RFTN2: variants seen among roughly 807,000 people sequenced by gnomAD.
RFTN2 encodes raftlin family member 2.
RFTN2 carries 34 observed loss-of-function variants against 52.7 expected under a neutral mutation model. The ratio of observed to expected loss-of-function variants is 0.64; its 90% CI spans 0.49 to 0.86. RFTN2 has a LOEUF of 0.86. Ranked by LOEUF, RFTN2 falls within the 40% of genes least tolerant of loss-of-function variation. The probability of loss-of-function intolerance (pLI) is 0.00; values close to 1 mark genes in which losing one functional copy is unlikely to be tolerated. For synonymous variants in RFTN2, 203 were observed against 217.7 expected (o/e 0.93, Z 0.59); for missense variants, 536 against 600.1 (o/e 0.89, Z 1.12).
At chr2:197,639,471 T>C (rs1385065964) in intron 3 of RFTN2, among the ~76,000 whole-genome samples, 4 of 149,118 alleles carry the variant, frequency 2.7e-5, no homozygotes. Context: ...ACTTCCCTTC[T>C]CACTTCATTT....
At chr2:197,659,478 A>T (rs1310353715) in intron 1 of RFTN2, among the ~76,000 whole-genome samples, 191 of 13,390 alleles carry the variant, frequency 0.014, no homozygotes, top group African/African-American at 0.086. Flanking sequence ...TCCATCTCAT[A>T]AAAAAAAAAA....
rs1166260465 is a variant in RFTN2, at chr2:197,636,372, C to A, written c.439-2375G>T. On this transcript the variant is annotated intron_variant, in intron 3 of 8. Transcript: ENST00000295049. ...GATATTGATTCTTCCTACCCATGAG[C>A]ATGGAATGTTCTTCCATTTGTTTGT... is the stretch of plus-strand genomic sequence containing the variant. 9.2e-4 allele frequency among the ~76,000 whole-genome samples: 126 copies of A among 137,346 alleles called. 2 individuals are homozygous for A. The highest frequency in any genetic ancestry group is 1.6e-3 in the Non-Finnish European group (102 of 63,866). The allele number at this position is 137,346 out of a possible 152,430, so 90.1% of individuals were successfully genotyped here. A position where few individuals can be genotyped will look rare whatever the true frequency, so the allele number is the denominator to read the frequency against.
At chr2:197,624,292 A>G (rs2088316224) in intron 5 of RFTN2, among the ~76,000 whole-genome samples, 1 of 152,138 alleles carries the variant, frequency 6.6e-6, no homozygotes, top group Admixed American at 6.5e-5. Flanking sequence ...CATATGCTAG[A>G]GAGAAATTTT....
intron 7 of RFTN2, among the ~76,000 whole-genome samples, chr2:197,605,002 C>A (rs2087936763): frequency 6.6e-6 from 1 of 152,042 alleles, no homozygotes; most frequent in Admixed American, 6.6e-5. Flanking sequence ...CTCAGGTGAC[C>A]CATCTGGGCC....
intron 8 of RFTN2, among the ~76,000 whole-genome samples, chr2:197,590,825 G>A (rs1175203912): frequency 1.3e-5 from 2 of 152,222 alleles, no homozygotes; most frequent in African/African-American, 2.4e-5. Context: ...CAGGCGTGAA[G>A]CTGCAGACCT....
intron 3 of RFTN2, among the ~76,000 whole-genome samples, 180 bp from the exon 4 acceptor site, chr2:197,634,177 GC>G (rs746472673): frequency 4.5e-4 from 68 of 152,098 alleles, no homozygotes; most frequent in Non-Finnish European, 8.5e-4. Flanking sequence ...CCAAGACCAT[GC>G]CACATGATCA....
At chr2:197,581,867 T>C (rs1369431225) in intron 8 of RFTN2, among the ~76,000 whole-genome samples, 1 of 152,212 alleles carries the variant, frequency 6.6e-6, no homozygotes, top group Non-Finnish European at 1.5e-5. Flanking sequence ...AAAACCATTA[T>C]ATAAACTCAC....
intron 1 of RFTN2, among the ~76,000 whole-genome samples, chr2:197,653,441 C>T (rs1374457531): frequency 2.0e-5 from 3 of 151,840 alleles, no homozygotes; most frequent in Non-Finnish European, 4.4e-5. Context: ...AGAACACTGA[C>T]TAAGCAATGG....
At position 197,622,947 on chromosome 2, in the gene RFTN2, C is replaced by T. The variant is rs546111180; in HGVS notation, c.929-5026G>A. On this transcript the variant is annotated intron_variant, in intron 5 of 8. Transcript: ENST00000295049. Reference sequence around the variant, plus strand: ...ACCTACTGCTCAGAAAAAAAGATGCCTTTCAAAATATTATGCTTATTGACA... The same window carrying T: ...ACCTACTGCTCAGAAAAAAAGATGCTTTTCAAAATATTATGCTTATTGACA... Among the ~76,000 whole-genome samples, 137 of 152,252 alleles carry T rather than the reference C, an allele frequency of 9.0e-4. 1 individual carries two copies. Among genetic ancestry groups the T allele is most frequent in the African/African-American group, 3.1e-3 (130 of 41,552 alleles).
chr2:197,632,682 G>A (rs1031906747), intron 4 of RFTN2, among the ~76,000 whole-genome samples: 1 of 152,188 alleles, frequency 6.6e-6, no homozygotes, highest in Non-Finnish European at 1.5e-5. Context: ...AAAGAGGAGG[G>A]TGGTGGTGAT....
At chr2:197,583,583 C>T (rs1009277660) in intron 8 of RFTN2, among the ~76,000 whole-genome samples, 10 of 151,910 alleles carry the variant, frequency 6.6e-5, no homozygotes, top group African/African-American at 2.4e-4. Flanking sequence ...ACACACTTCA[C>T]CAAGCTCAGC....
At chr2:197,642,342 G>T (rs2088686421) in intron 3 of RFTN2, among the ~76,000 whole-genome samples, 1 of 151,996 alleles carries the variant, frequency 6.6e-6, no homozygotes, top group Non-Finnish European at 1.5e-5. Context: ...TCAATGCAGT[G>T]GAAAAGAAAC....
chr2:197,618,034 A>G, intron 5 of RFTN2, 113 bp from the exon 6 acceptor site: 1 of 823,402 alleles, frequency 1.2e-6, no homozygotes. Context: ...ATTTCAATTA[A>G]AAAACATTTG....
intron 1 of RFTN2, among the ~76,000 whole-genome samples, chr2:197,655,339 A>G (rs2088879783): frequency 6.6e-6 from 1 of 152,216 alleles, no homozygotes; most frequent in African/African-American, 2.4e-5. Flanking sequence ...TCTAATCCAC[A>G]TCTTCTTGCA....
At chr2:197,640,852 G>T (rs555009447) in intron 3 of RFTN2, among the ~76,000 whole-genome samples, 1 of 152,056 alleles carries the variant, frequency 6.6e-6, no homozygotes, top group African/African-American at 2.4e-5. Flanking sequence ...AAAACCTAAG[G>T]CCTGTTCCTC....
intron 1 of RFTN2, among the ~76,000 whole-genome samples, chr2:197,655,891 A>G (rs10931787): frequency 0.68 from 103,575 of 152,080 alleles, 35,612 homozygotes; most frequent in Middle Eastern, 0.85. Context: ...ACTGTTTCAA[A>G]TGTGCATGTT....
chr2:197,663,330 T>C (rs1212768595), intron 1 of RFTN2, among the ~76,000 whole-genome samples: 2 of 152,204 alleles, frequency 1.3e-5, no homozygotes, highest in Non-Finnish European at 2.9e-5. Flanking sequence ...CCTTACAGAA[T>C]GAATTAGGGA....
intron 3 of RFTN2, among the ~76,000 whole-genome samples, chr2:197,640,791 T>G (rs2088660296): frequency 6.6e-6 from 1 of 152,212 alleles, no homozygotes. Flanking sequence ...CTCAGCACTT[T>G]TCCCATTGAC....
rs56880641 is a variant in RFTN2 at position 197,579,419 on chromosome 2, C to T, written c.1234-7139G>A. ...TCAAGAACTTAAAACCTCTTCAACT[C>T]ACACCTGACCTAAAACCTAAACACC... On this transcript the variant is annotated intron_variant, in intron 8 of 8. Coordinates refer to ENST00000295049, the MANE Select transcript of RFTN2 (RefSeq NM_144629.3). Among the ~76,000 whole-genome samples the T allele has an allele frequency of 2.0e-5, 3 of 152,326 alleles. No homozygotes were observed. In the East Asian group the frequency reaches 5.8e-4, roughly 29 times the overall value.
Sources: allele counts gnomAD v4.1 joint callset (sites outside exome capture counted in the v4.1 genomes callset), GRCh38; gene constraint gnomAD v4.1.1; transcripts MANE v1.5; gene names NCBI Gene and HGNC (gene_info 2026-07-23, HGNC 2026-07-21).